MBD4: variants seen among roughly 807,000 people sequenced by gnomAD.
The protein encoded by MBD4 is methyl-CpG binding domain 4, DNA glycosylase, also known as methyl-CpG-binding domain protein 4.
A neutral mutation model predicts 60.2 loss-of-function variants in MBD4; 53 were observed. The observed-to-expected ratio is 0.88, with a 90% confidence interval of 0.71 to 1.11. The LOEUF is 1.11. MBD4 is among the 50% of genes least tolerant of loss of function. MBD4 has a pLI of 0.00. For synonymous variants in MBD4, 231 were observed against 229.8 expected (o/e 1.01, Z -0.05); for missense variants, 619 against 674.0 (o/e 0.92, Z 0.90).
intron 2 of MBD4, 38 bp downstream of exon 2, chr3:129,437,682 C>G (rs1452822871): frequency 7.0e-7 from 1 of 1,431,226 alleles, no homozygotes; most frequent in South Asian, 1.1e-5. Context: ...CAGACAAAAT[C>G]ATTTGGCTGT....
In MBD4 at chr3:129,437,858, T is replaced by C. The variant is rs931873167; in HGVS notation, c.197A>G (p.Gln66Arg). Residue 66 changes from glutamine to arginine, a missense_variant, in exon 2 of 8, where the codon CAA (glutamine) becomes CGA (arginine). Physicochemically the swap from Gln to Arg is conservative, Grantham distance 43. Transcript: ENST00000429544. ...AAACTGAGCAGAAGCGATGGGTTCT[T>C]GTAGCAAGGGATTACATTCACTGCT... is the stretch of plus-strand genomic sequence containing the variant. ...KRSSECNPLL[Q>R]EPIASAQFGA... 2 of 1,614,116 alleles carry C rather than the reference T, an allele frequency of 1.2e-6. No homozygotes were observed. The highest frequency in any genetic ancestry group is 2.2e-5 in the East Asian group (1 of 44,882).
chr3:129,437,156 A>G lies in MBD4; in HGVS notation c.488T>C (p.Leu163Pro). 1.2e-6 allele frequency: 2 copies of G among 1,614,064 alleles called. No individual in the cohort carries two copies. The highest frequency in any genetic ancestry group is 1.7e-6 in the Non-Finnish European group (2 of 1,179,956). The change falls in exon 3 of 8, where the codon CTG (leucine) becomes CCG (proline). Residue 163 changes from leucine (L) to proline (P), a missense_variant. By Grantham distance (98) the Leu-to-Pro change is moderately conservative. Transcript: ENST00000429544. ...SRYKDCSMAALTSHLQNQSNN... is the reference protein window; with the variant it reads ...SRYKDCSMAAPTSHLQNQSNN... Reference sequence around the variant, plus strand: ...ACTTTGGTTTTGTAGATGGGATGTCAGGGCTGCCATGCTGCAGTCTTTATA... The same window carrying G: ...ACTTTGGTTTTGTAGATGGGATGTCGGGGCTGCCATGCTGCAGTCTTTATA...
chr3:129,433,486 T>C, intron 5 of MBD4: 1 of 603,166 alleles, frequency 1.7e-6, no homozygotes, highest in Admixed American at 2.9e-5. Context: ...CTTGCATGAT[T>C]AGCTTTTAAA....
chr3:129,431,492 C>A lies in MBD4; in HGVS notation c.*9G>T. 7.5e-6 allele frequency: 12 copies of A among 1,609,310 alleles called. No homozygotes were observed. Among genetic ancestry groups the A allele is most frequent in the Non-Finnish European group, 1.0e-5 (12 of 1,176,260 alleles). Reference sequence around the variant, plus strand: ...TATGCATAACAGATGAGCTTGAAAGCTGCAGAGTTTAAGATAGACTTAATT... The same window carrying A: ...TATGCATAACAGATGAGCTTGAAAGATGCAGAGTTTAAGATAGACTTAATT... On this transcript the variant is annotated 3_prime_UTR_variant, in exon 8 of 8. Transcript: ENST00000429544.
rs1157477731 is a variant in MBD4 at position 129,433,991 on chromosome 3, A to C, written c.1259-7T>G. On this transcript the variant is annotated splice_region_variant and splice_polypyrimidine_tract_variant and intron_variant, in intron 4 of 7. Transcript: ENST00000429544. ...CGTCGTGGGGGGCTAAGAGCTAAAC[A>C]AACATAGTGCATCAGAATTGAAAAC... 1 of 1,614,172 alleles carries C rather than the reference A, an allele frequency of 6.2e-7. No individual in the cohort carries two copies. Among genetic ancestry groups the C allele is most frequent in the Non-Finnish European group, 8.5e-7 (1 of 1,180,008 alleles).
At chr3:129,432,194 G>C in intron 7 of MBD4, 1 of 1,392,916 alleles carries the variant, frequency 7.2e-7, no homozygotes, top group South Asian at 1.5e-5. Context: ...GTGTACTTTT[G>C]ACAGGAGGAA....
chr3:129,434,094 CT>C lies in MBD4; in HGVS notation c.1225del (p.Ser409AlafsTer76), dbSNP rs2072410286. The C allele has an allele frequency of 1.2e-6, 2 of 1,613,974 alleles. No homozygotes were observed. The highest frequency in any genetic ancestry group is 1.7e-6 in the Non-Finnish European group (2 of 1,179,920). On this transcript the variant is annotated frameshift_variant, in exon 4 of 8. Transcript: ENST00000429544. LOFTEE classifies it high-confidence loss of function. ...PRTQIERRKT[S>X]LYFSSKYNKE... ...GTTATATTTGCTGGAAAAATACAGG[CT>C]TGTTTTCCTTCTTTCTATCTGTGTT...
chr3:129,432,444 T>A (rs760114692), intron 7 of MBD4, 59 bp downstream of exon 7: 1 of 1,613,876 alleles, frequency 6.2e-7, no homozygotes, highest in Non-Finnish European at 8.5e-7. Flanking sequence ...ACCATAATGG[T>A]GGACTTATTT....
chr3:129,439,604 A>T (rs1317408719), intron 1 of MBD4, 126 bp downstream of exon 1: 1 of 748,554 alleles, frequency 1.3e-6, no homozygotes, highest in African/African-American at 1.7e-5. Flanking sequence ...CTAGTAACTA[A>T]ACCCGTGGGC....
chr3:129,436,450 T>C lies in MBD4; in HGVS notation c.1183+11A>G. ...CTTGAAAGCACTGGATACCTTGAAA[T>C]ATTTTCTCACCAGTGAAGTCTTTCC... On this transcript the variant is annotated intron_variant, in intron 3 of 7. Coordinates refer to ENST00000429544, the MANE Select transcript of MBD4 (RefSeq NM_001276270.2). 1 of 1,613,882 alleles carries C rather than the reference T, an allele frequency of 6.2e-7. No homozygotes were observed. Among genetic ancestry groups the C allele is most frequent in the South Asian group, 1.1e-5 (1 of 91,088 alleles).
intron 1 of MBD4, among the ~76,000 whole-genome samples, chr3:129,439,098 T>G (rs2107764655): frequency 6.6e-6 from 1 of 152,354 alleles, no homozygotes; most frequent in South Asian, 2.1e-4. Flanking sequence ...TTAACCCAAG[T>G]TCTTTTCTAC....
At chr3:129,437,993 T>C in intron 1 of MBD4, 43 bp from the exon 2 acceptor site, 1 of 1,150,430 alleles carries the variant, frequency 8.7e-7, no homozygotes, top group Non-Finnish European at 1.3e-6. Flanking sequence ...TTAAAATTTA[T>C]CTTCCACTGC....
At chr3:129,431,720 T>C in intron 7 of MBD4, 142 bp from the exon 8 acceptor site, 14 of 687,048 alleles carry the variant, frequency 2.0e-5, no homozygotes, top group South Asian at 2.0e-4. Context: ...TTTAACCTCC[T>C]GGGATTCATG....
At chr3:129,432,037 G>T in intron 7 of MBD4, 2 of 640,328 alleles carry the variant, frequency 3.1e-6, no homozygotes, top group Non-Finnish European at 4.4e-6. Context: ...CCCACCAGCT[G>T]CCAGGATGAC....
rs1033570143 is a variant in MBD4 at position 129,439,766 on chromosome 3, C to T, written c.68G>A (p.Ser23Asn). The change falls in exon 1 of 8, where the codon AGT becomes AAT. Residue 23 changes from serine (S) to asparagine (N), a missense_variant. Ser to Asn is a conservative substitution (Grantham distance 46). Coordinates refer to ENST00000429544, the MANE Select transcript of MBD4 (RefSeq NM_001276270.2). ...DRGAAPTVTSSERLVPDPPND... is the reference protein window; with the variant it reads ...DRGAAPTVTSNERLVPDPPND... ...CGGCGGGTCTGGGACTAGGCGCTCA[C>T]TAGAGGTGACGGTGGGGGCAGCTCC... The T allele has an allele frequency of 6.2e-7, 1 of 1,606,512 alleles. No individual in the cohort carries two copies.
intron 6 of MBD4, 112 bp from the exon 7 acceptor site, chr3:129,432,718 T>G: frequency 1.9e-6 from 2 of 1,027,404 alleles, no homozygotes; most frequent in Non-Finnish European, 1.5e-6. Context: ...GGAAAGGCTC[T>G]TTCCCAGCAA....
chr3:129,435,219 G>A lies in MBD4; in HGVS notation c.1184-1083C>T, dbSNP rs916734026. Among the ~76,000 whole-genome samples the A allele has an allele frequency of 5.6e-4, 84 of 150,748 alleles. 2 individuals carry two copies. Among genetic ancestry groups the A allele is most frequent in the Non-Finnish European group, 4.1e-4 (28 of 67,868 alleles). On this transcript the variant is annotated intron_variant, in intron 3 of 7. Coordinates refer to ENST00000429544, the MANE Select transcript of MBD4 (RefSeq NM_001276270.2). ...TTTTAGTTTGAGTAGGTAAAGCCCAGTAGAGAGTAAAAAAAAAAAAGAACA... is the reference window on the plus strand; with the variant it reads ...TTTTAGTTTGAGTAGGTAAAGCCCAATAGAGAGTAAAAAAAAAAAAGAACA...
chr3:129,439,595 T>C (rs1278963252), intron 1 of MBD4, 135 bp downstream of exon 1: 7 of 724,786 alleles, frequency 9.7e-6, no homozygotes, highest in African/African-American at 3.5e-5. Flanking sequence ...CTCCAGACCC[T>C]AGTAACTAAA....
chr3:129,435,296 A>C (rs1461544603), intron 3 of MBD4, among the ~76,000 whole-genome samples: 1 of 151,842 alleles, frequency 6.6e-6, no homozygotes, highest in Non-Finnish European at 1.5e-5. Context: ...GTGGGCTCCT[A>C]TGAATAATTA....
Sources: gnomAD v4.1 joint callset for allele counts (sites outside exome capture counted in the v4.1 genomes callset) on GRCh38, gnomAD v4.1.1 for gene constraint, MANE v1.5 for transcripts, NCBI Gene and HGNC (gene_info 2026-07-23, HGNC 2026-07-21) for gene names.